Variants in UQCRH observed in about 807,000 individuals in gnomAD.
UQCRH encodes cytochrome b-c1 complex subunit 6, mitochondrial.
UQCRH carries 14 observed loss-of-function variants against 16.3 expected under a neutral mutation model. The ratio of observed to expected loss-of-function variants is 0.86; its 90% CI spans 0.57 to 1.34. The LOEUF (loss-of-function observed/expected upper bound fraction) is 1.34, where lower values mean the gene tolerates loss of function less well. Among genes scored for constraint, UQCRH ranks in the 40% most tolerant of loss-of-function variants. The pLI is 0.00. For missense variants in UQCRH, 89 were observed against 111.9 expected (o/e 0.80, Z 0.92); for synonymous variants, 41 against 41.9 (o/e 0.98, Z 0.08).
At chr1:46,314,342 G>A (rs1399902956) in intron 3 of UQCRH, among the ~76,000 whole-genome samples, 2 of 150,164 alleles carry the variant, frequency 1.3e-5, no homozygotes, top group Non-Finnish European at 3.0e-5. Flanking sequence ...CTTCAGCCTG[G>A]GTACAGAGCA....
At chr1:46,311,770 GTTTT>G (rs558702675) in intron 3 of UQCRH, among the ~76,000 whole-genome samples, 1 of 147,542 alleles carries the variant, frequency 6.8e-6, no homozygotes, top group Non-Finnish European at 1.5e-5. Context: ...TGGTTTTTTT[GTTTT>G]TTTTTGTTTG....
At chr1:46,310,631 T>C (rs1661452041) in intron 3 of UQCRH, among the ~76,000 whole-genome samples, 1 of 152,168 alleles carries the variant, frequency 6.6e-6, no homozygotes, top group Admixed American at 6.5e-5. Context: ...AGGCTAATTT[T>C]TTATTTTTTA....
chr1:46,305,159 T>C (rs1298445991), intron 1 of UQCRH, among the ~76,000 whole-genome samples: 1 of 150,886 alleles, frequency 6.6e-6, no homozygotes, highest in African/African-American at 2.4e-5. Context: ...CTACAAAAAA[T>C]ATAAAAATTA....
chr1:46,310,449 A>C (rs1469568357), intron 3 of UQCRH, 133 bp downstream of exon 3: 1 of 1,324,774 alleles, frequency 7.5e-7, no homozygotes, highest in Non-Finnish European at 1.0e-6. Context: ...TGGTGCGCTG[A>C]GCATTTTATG....
chr1:46,310,383 C>T, intron 3 of UQCRH, 67 bp downstream of exon 3: 1 of 1,604,512 alleles, frequency 6.2e-7, no homozygotes, highest in Non-Finnish European at 8.5e-7. Context: ...TGCCAACAAT[C>T]TTTCCATGCT....
At position 46,316,607 on chromosome 1, in the gene UQCRH, A is replaced by C; in HGVS notation, c.*23A>C. ...TAAATGTGTGGACTTAATTCACCCC[A>C]GTCTTCATCATCTGGGCATCAGAAT... On this transcript the variant is annotated 3_prime_UTR_variant, in exon 4 of 4. Transcript: ENST00000311672. The C allele has an allele frequency of 6.2e-7, 1 of 1,611,644 alleles. No individual in the cohort carries two copies.
chr1:46,313,595 C>T, intron 3 of UQCRH, among the ~76,000 whole-genome samples: 1 of 151,972 alleles, frequency 6.6e-6, no homozygotes, highest in Non-Finnish European at 1.5e-5. Context: ...TGCCACTGCA[C>T]TCCAGCCTGG....
intron 3 of UQCRH, among the ~76,000 whole-genome samples, chr1:46,310,697 G>A (rs1661453479): frequency 1.3e-5 from 2 of 152,106 alleles, no homozygotes. Flanking sequence ...CAAACTCCTG[G>A]GCTCAAGCAA....
chr1:46,316,329 T>C (rs1002524645), intron 3 of UQCRH, among the ~76,000 whole-genome samples: 2 of 152,126 alleles, frequency 1.3e-5, no homozygotes, highest in Admixed American at 6.6e-5. Context: ...TAGGGGCTTG[T>C]TTAGAGAAGG....
At chr1:46,309,885 C>G in intron 2 of UQCRH, 1 of 1,375,532 alleles carries the variant, frequency 7.3e-7, no homozygotes, top group South Asian at 1.5e-5. Flanking sequence ...CCTTTACCAC[C>G]TTGTTTTTCA....
At chr1:46,316,453 G>C in intron 3 of UQCRH, 99 bp from the exon 4 acceptor site, 1 of 1,516,894 alleles carries the variant, frequency 6.6e-7, no homozygotes, top group Non-Finnish European at 9.1e-7. Context: ...AAGGGGAGTG[G>C]TGAGAAGAGG....
rs376764890 is a variant in UQCRH, at chr1:46,310,833, C to G, written c.243+517C>G. The stretch of plus-strand genomic sequence containing the variant: ...CTGTAATCCCAGCACTTTGGGAGGC[C>G]GAGGCGGGTGGATCATGAGGTCAGG... On this transcript the variant is annotated intron_variant, in intron 3 of 3. Coordinates refer to ENST00000311672, the MANE Select transcript of UQCRH (RefSeq NM_006004.4). Among the ~76,000 whole-genome samples, 245 of 150,534 alleles carry G rather than the reference C, an allele frequency of 1.6e-3. 3 individuals carry two copies. Among genetic ancestry groups the G allele is most frequent in the African/African-American group, 5.5e-3 (227 of 41,026 alleles).
Position 46,312,406 on chromosome 1 carries a change from A to G in UQCRH, c.243+2090A>G, listed in dbSNP as rs553836754. 3.4e-4 allele frequency among the ~76,000 whole-genome samples: 52 copies of G among 151,908 alleles called. 1 individual carries two copies. The South Asian group carries it at 0.011, about 32-fold the overall frequency. ...AGGCGTGAGCCACCGCACCTGGCCC[A>G]TACCTGGGTAATTTTTGTATTTTTT... On this transcript the variant is annotated intron_variant, in intron 3 of 3. Transcript: ENST00000311672.
intron 1 of UQCRH, among the ~76,000 whole-genome samples, chr1:46,307,816 T>A (rs3766248): frequency 0.036 from 5,447 of 152,096 alleles, 409 homozygotes; most frequent in East Asian, 0.31. Context: ...CAAACAAGGG[T>A]TTTTAGGTTT....
intron 1 of UQCRH, 133 bp from the exon 2 acceptor site, chr1:46,308,968 C>A: frequency 9.0e-7 from 1 of 1,115,152 alleles, no homozygotes; most frequent in Non-Finnish European, 1.3e-6. Flanking sequence ...AATGTAAAAA[C>A]ATCATAAAAC....
In UQCRH at chr1:46,306,380, G is replaced by GTTT. The variant is rs58917170; in HGVS notation, c.54+2577_54+2579dup. ...TAGTTTTTTTGGGAAAACTTTTTCA[G>GTTT]TTTTTTTTTTTTTTTTTTTGTGACG... On this transcript the variant is annotated intron_variant, in intron 1 of 3. Transcript: ENST00000311672. Among the ~76,000 whole-genome samples the GTTT allele has an allele frequency of 2.4e-3, 304 of 125,188 alleles. 10 individuals carry two copies. The highest frequency in any genetic ancestry group is 4.2e-3 in the Middle Eastern group (1 of 236). The allele number at this position is 125,188 out of a possible 152,430, so 82.1% of individuals were successfully genotyped here.
At chr1:46,305,223 AG>A (rs373097130) in intron 1 of UQCRH, among the ~76,000 whole-genome samples, 5 of 147,542 alleles carry the variant, frequency 3.4e-5, no homozygotes, top group African/African-American at 9.9e-5. Context: ...GTTTGAGCCC[AG>A]GAAGTCCAGG....
intron 1 of UQCRH, among the ~76,000 whole-genome samples, chr1:46,307,716 A>C (rs1661401477): frequency 6.6e-6 from 1 of 152,196 alleles, no homozygotes; most frequent in South Asian, 2.1e-4. Flanking sequence ...GGAGTTGTGC[A>C]CTTTTATTTG....
intron 1 of UQCRH, among the ~76,000 whole-genome samples, chr1:46,305,513 GGGAGGCCGAGGCGGGTGGATCA>G (rs1421156706): frequency 4.7e-5 from 2 of 42,162 alleles, no homozygotes; most frequent in African/African-American, 6.4e-5. Context: ...CGGGTGGATC[GGGAGGCCGAGGCGGGTGGATCA>G]GGAGGTCAGG....
Sources: allele counts gnomAD v4.1 joint callset (sites outside exome capture counted in the v4.1 genomes callset), GRCh38; gene constraint gnomAD v4.1.1; transcripts MANE v1.5; gene names NCBI Gene and HGNC (gene_info 2026-07-23, HGNC 2026-07-21).